The following FAM13A variants were observed in gnomAD, a reference collection of about 807,000 sequenced individuals.
FAM13A encodes protein FAM13A.
Under a neutral mutation model 129.6 loss-of-function variants are expected in FAM13A, and 76 were observed. That is an observed-to-expected ratio of 0.59 (90% CI 0.49 to 0.71). The LOEUF (loss-of-function observed/expected upper bound fraction) is 0.71. FAM13A is among the 30% of genes least tolerant of loss of function. The probability of loss-of-function intolerance (pLI) is 0.00; values close to 1 mark genes in which losing one functional copy is unlikely to be tolerated. For missense variants in FAM13A, 1,108 were observed against 1,249.3 expected (o/e 0.89, Z 1.70); for synonymous variants, 443 against 449.9 (o/e 0.98, Z 0.20).
At position 89,029,584 on chromosome 4, in the gene FAM13A, T is replaced by G. The variant is rs1450540439; in HGVS notation, c.93A>C (p.Glu31Asp). ...ACTTCTGATAGGTAAAATCCTTCTG[T>G]TCATTTAATGGCACTGCCACTATCT... ...MKKIVAVPLN[E>D]QKDFTYQKLF... The change falls in exon 2 of 24, where the codon GAA becomes GAC. Residue 31 changes from glutamate (E) to aspartate (D), a missense_variant. Around this residue, in one of 3 missense-constraint regions of FAM13A, gnomAD observed 566 missense variants for 595.7 expected, o/e 0.95. Transcript: ENST00000264344. 6.3e-7 allele frequency: 1 copy of G among 1,592,642 alleles called. No individual in the cohort carries two copies. The highest frequency in any genetic ancestry group is 8.5e-7 in the Non-Finnish European group (1 of 1,173,220).
At chr4:88,865,888 T>C (rs1181999960) in intron 6 of FAM13A, among the ~76,000 whole-genome samples, 16 of 137,224 alleles carry the variant, frequency 1.2e-4, no homozygotes, top group Non-Finnish European at 2.0e-4. Flanking sequence ...CTTTTTTTTT[T>C]TTTTTTTTTT....
At chr4:88,941,278 C>A (rs915860642) in intron 4 of FAM13A, among the ~76,000 whole-genome samples, 1 of 152,122 alleles carries the variant, frequency 6.6e-6, no homozygotes, top group Non-Finnish European at 1.5e-5. Context: ...GAATGAATAG[C>A]GAAGTTTCCT....
chr4:88,921,123 C>G (rs930381659), intron 5 of FAM13A, among the ~76,000 whole-genome samples: 12 of 152,178 alleles, frequency 7.9e-5, no homozygotes, highest in African/African-American at 2.9e-4. Flanking sequence ...TTGGAAACCA[C>G]TCTGCAGGAT....
intron 1 of FAM13A, 60 bp from the exon 2 acceptor site, chr4:89,029,709 T>C: frequency 7.1e-7 from 1 of 1,399,574 alleles, no homozygotes; most frequent in East Asian, 2.3e-5. Context: ...GGTTGCATGG[T>C]TACAACAGAA....
chr4:88,914,955 G>A (rs1323862530), intron 5 of FAM13A, among the ~76,000 whole-genome samples: 2 of 152,180 alleles, frequency 1.3e-5, no homozygotes, highest in African/African-American at 2.4e-5. Context: ...CATAAAAGAA[G>A]CTACATTATG....
chr4:88,836,546 C>T lies in FAM13A; in HGVS notation c.1007+14474G>A, dbSNP rs189482792. On this transcript the variant is annotated intron_variant, in intron 7 of 23. Coordinates refer to ENST00000264344, the MANE Select transcript of FAM13A (RefSeq NM_014883.4). ...CTAAAATATGGCAACAGATTTAATG[C>T]AGAAGCAGATATGAGAATCCAGCTG... Among the ~76,000 whole-genome samples, 383 of 152,286 alleles carry T rather than the reference C, an allele frequency of 2.5e-3. 1 individual carries two copies. Among genetic ancestry groups the T allele is most frequent in the African/African-American group, 8.7e-3 (360 of 41,556 alleles).
intron 3 of FAM13A, among the ~76,000 whole-genome samples, chr4:88,998,101 C>A (rs1311063828): frequency 6.6e-6 from 1 of 152,124 alleles, no homozygotes; most frequent in East Asian, 1.9e-4. Flanking sequence ...CCCTAGAACA[C>A]CCAGAACAGT....
At chr4:88,826,266 T>C (rs529420755) in intron 7 of FAM13A, among the ~76,000 whole-genome samples, 1 of 150,434 alleles carries the variant, frequency 6.6e-6, no homozygotes, top group Non-Finnish European at 1.5e-5. Context: ...TGTTTTGTGA[T>C]GTCCACAGAG....
At chr4:88,856,257 A>G (rs1738476956) in intron 6 of FAM13A, among the ~76,000 whole-genome samples, 2 of 151,770 alleles carry the variant, frequency 1.3e-5, no homozygotes, top group African/African-American at 4.8e-5. Flanking sequence ...AGATGGGGGG[A>G]TTGCTTGAGA....
At chr4:88,806,674 C>G (rs1728626781) in intron 7 of FAM13A, among the ~76,000 whole-genome samples, 2 of 152,112 alleles carry the variant, frequency 1.3e-5, no homozygotes, top group South Asian at 4.1e-4. Context: ...ATGGTGTTAA[C>G]TCTTCCCAGG....
intron 6 of FAM13A, among the ~76,000 whole-genome samples, chr4:88,879,993 G>C (rs1743254385): frequency 6.6e-6 from 1 of 152,080 alleles, no homozygotes; most frequent in Admixed American, 6.5e-5. Flanking sequence ...TCAGTGTTTA[G>C]CATAGAGTAA....
At chr4:88,895,637 G>A (rs1267576557) in intron 6 of FAM13A, among the ~76,000 whole-genome samples, 1 of 143,646 alleles carries the variant, frequency 7.0e-6, no homozygotes, top group Non-Finnish European at 1.5e-5. Flanking sequence ...CTCAAAAGAA[G>A]ACATTTATGC....
intron 1 of FAM13A, among the ~76,000 whole-genome samples, chr4:89,034,894 AG>A (rs1769167643): frequency 6.6e-6 from 1 of 152,208 alleles, no homozygotes; most frequent in African/African-American, 2.4e-5. Flanking sequence ...GAAAAAAGAA[AG>A]CAAATCATCC....
chr4:88,861,731 T>C (rs1429601898), intron 6 of FAM13A, among the ~76,000 whole-genome samples: 2 of 152,216 alleles, frequency 1.3e-5, no homozygotes, highest in East Asian at 3.9e-4. Flanking sequence ...CTACCTCTAG[T>C]AATAAGCATA....
chr4:88,809,792 G>A (rs1729289692), intron 7 of FAM13A, among the ~76,000 whole-genome samples: 1 of 151,576 alleles, frequency 6.6e-6, no homozygotes, highest in South Asian at 2.1e-4. Flanking sequence ...GAGGTACGTG[G>A]CAGCCACTGT....
intron 8 of FAM13A, among the ~76,000 whole-genome samples, chr4:88,803,746 C>T (rs1236449787): frequency 6.6e-6 from 1 of 152,064 alleles, no homozygotes; most frequent in African/African-American, 2.4e-5. Flanking sequence ...CCTCTCTTGC[C>T]ATAAAGTGAT....
At chr4:88,738,243 A>G (rs1157946880) in intron 20 of FAM13A, among the ~76,000 whole-genome samples, 2 of 152,238 alleles carry the variant, frequency 1.3e-5, no homozygotes, top group Non-Finnish European at 2.9e-5. Flanking sequence ...GGCAACATCA[A>G]AGTGAGTTTG....
chr4:88,815,591 A>G (rs1398719717), intron 7 of FAM13A, among the ~76,000 whole-genome samples: 2 of 152,212 alleles, frequency 1.3e-5, no homozygotes, highest in East Asian at 1.9e-4. Context: ...TTGCAAGAAA[A>G]GGACATAGAT....
chr4:88,911,295 C>T (rs1414473707), intron 5 of FAM13A, among the ~76,000 whole-genome samples: 2 of 152,152 alleles, frequency 1.3e-5, no homozygotes, highest in African/African-American at 2.4e-5. Flanking sequence ...GTGCTGAGAA[C>T]GGAGCAGCTC....
Sources: allele counts gnomAD v4.1 joint callset (sites outside exome capture counted in the v4.1 genomes callset), GRCh38; gene constraint gnomAD v4.1.1; regional missense constraint gnomAD v4.1.1; transcripts MANE v1.5; gene names NCBI Gene and HGNC (gene_info 2026-07-23, HGNC 2026-07-21).